The following CLEC12B variants were observed in gnomAD, a reference collection of about 807,000 sequenced individuals.
CLEC12B encodes the protein C-type lectin domain family 12 member B, also known as macrophage antigen h.
In CLEC12B, 25 loss-of-function variants were observed where a neutral mutation model predicts 36.1. That is an observed-to-expected ratio of 0.69 (90% CI 0.50 to 0.97). The LOEUF (loss-of-function observed/expected upper bound fraction) is 0.97. Among genes scored for constraint, CLEC12B ranks in the 50% least tolerant of loss-of-function variants. The probability of loss-of-function intolerance (pLI) is 0.00; values close to 1 mark genes in which losing one functional copy is unlikely to be tolerated. For missense variants in CLEC12B, 325 were observed against 318.4 expected (o/e 1.02, Z -0.16); for synonymous variants, 110 against 108.5 (o/e 1.01, Z -0.09).
At chr12:10,010,012 G>A (rs1053605508), upstream of CLEC12B, among the ~76,000 whole-genome samples, 1 of 151,950 alleles carries the variant, frequency 6.6e-6, no homozygotes, top group African/African-American at 2.4e-5. Flanking sequence ...TGTATTCCTT[G>A]CTGTCTGCAG....
upstream of CLEC12B, among the ~76,000 whole-genome samples, chr12:10,006,457 G>GTTTTTTTTTTTT (rs139343460): frequency 6.7e-6 from 1 of 149,054 alleles, no homozygotes. Context: ...TCCAGGATAA[G>GTTTTTTTTTTTT]TTTTTTGTTT....
intron 5 of CLEC12B, chr12:10,018,074 C>T (rs927172920): frequency 1.0e-5 from 7 of 690,086 alleles, no homozygotes; most frequent in South Asian, 6.3e-5. Context: ...AATACAAATT[C>T]TCAGTCCAGG....
At chr12:10,012,939 A>C in intron 2 of CLEC12B, 56 bp downstream of exon 2, 1 of 1,280,342 alleles carries the variant, frequency 7.8e-7, no homozygotes, top group Non-Finnish European at 1.1e-6. Flanking sequence ...ATTGTAAACC[A>C]TGTACTTTCA....
At chr12:10,015,778 G>GA in intron 5 of CLEC12B, 51 bp downstream of exon 5, 5 of 1,604,570 alleles carry the variant, frequency 3.1e-6, no homozygotes, top group Non-Finnish European at 4.3e-6. Context: ...GGAATCCTGG[G>GA]AAAATTAATA....
At chr12:10,011,595 C>T (rs767952841) in intron 1 of CLEC12B, among the ~76,000 whole-genome samples, 3 of 152,090 alleles carry the variant, frequency 2.0e-5, no homozygotes, top group Non-Finnish European at 4.4e-5. Flanking sequence ...TCTCTTATGC[C>T]TAATTGGAAA....
chr12:10,017,736 T>C lies in CLEC12B; in HGVS notation c.681-595T>C, dbSNP rs1487815966. On this transcript the variant is annotated intron_variant, in intron 5 of 5. Coordinates refer to ENST00000338896, the MANE Select transcript of CLEC12B (RefSeq NM_001129998.3). Reference sequence around the variant, plus strand: ...AACAATGTTGGGCACAAAGAAAATTTAGATCTGACAAGTATAATTTTCTAA... The same window carrying C: ...AACAATGTTGGGCACAAAGAAAATTCAGATCTGACAAGTATAATTTTCTAA... 13 of 879,498 alleles carry C rather than the reference T, an allele frequency of 1.5e-5. No individual in the cohort carries two copies. The African/African-American group carries it at 2.4e-4, about 16-fold the overall frequency. 54.5% of individuals were successfully genotyped at this position (879,498 alleles called of 1,614,324 possible). A position where few individuals can be genotyped will look rare whatever the true frequency, so the allele number is the denominator to read the frequency against.
chr12:10,013,034 C>A, intron 2 of CLEC12B, 151 bp downstream of exon 2: 1 of 647,996 alleles, frequency 1.5e-6, no homozygotes, highest in Non-Finnish European at 2.7e-6. Flanking sequence ...TCATATCTTC[C>A]CAAAAAACCG....
At chr12:10,012,650 C>T in intron 1 of CLEC12B, 135 bp from the exon 2 acceptor site, 4 of 635,710 alleles carry the variant, frequency 6.3e-6, no homozygotes, top group Non-Finnish European at 1.1e-5. Context: ...TAGGTATTTT[C>T]TAAATGAGGG....
At chr12:10,017,223 CTAA>C in intron 5 of CLEC12B, 1 of 985,218 alleles carries the variant, frequency 1.0e-6, no homozygotes, top group Non-Finnish European at 1.2e-6. Context: ...TGGTTTCACA[CTAA>C]TAATAATGAC....
chr12:10,009,572 A>C (rs902304277), upstream of CLEC12B, among the ~76,000 whole-genome samples: 86 of 151,796 alleles, frequency 5.7e-4, no homozygotes, highest in Non-Finnish European at 2.9e-5. Flanking sequence ...AAAAAAAAAA[A>C]AACAAAAAAC....
chr12:10,014,502 G>A, intron 2 of CLEC12B, 21 bp from the exon 3 acceptor site: 1 of 1,527,042 alleles, frequency 6.5e-7, no homozygotes, highest in Non-Finnish European at 9.1e-7. Flanking sequence ...ATATGAACTT[G>A]TCTCCTGTCA....
intron 3 of CLEC12B, 30 bp downstream of exon 3, chr12:10,014,771 A>G: frequency 6.8e-7 from 1 of 1,474,150 alleles, no homozygotes; most frequent in Non-Finnish European, 9.5e-7. Context: ...CTGACCAGTC[A>G]GATGGCATAT....
intron 5 of CLEC12B, chr12:10,017,912 T>C: frequency 1.0e-6 from 1 of 962,800 alleles, no homozygotes; most frequent in Middle Eastern, 5.3e-4. Flanking sequence ...TGAAAAATTA[T>C]ATTTGTGCAT....
chr12:10,018,222 T>C, intron 5 of CLEC12B, 109 bp from the exon 6 acceptor site: 1 of 726,346 alleles, frequency 1.4e-6, no homozygotes, highest in East Asian at 3.3e-5. Context: ...GAGGCAGAAG[T>C]CTCTCCATAT....
At position 10,018,613 on chromosome 12, in the gene CLEC12B, C is replaced by T. The variant is rs1865545428; in HGVS notation, c.*132C>T. 1 of 723,966 alleles carries T rather than the reference C, an allele frequency of 1.4e-6. No individual in the cohort carries two copies. Among genetic ancestry groups the T allele is most frequent in the Non-Finnish European group, 2.3e-6 (1 of 438,800 alleles). The allele number at this position is 723,966 out of a possible 1,614,324, so 44.8% of individuals were successfully genotyped here. ...GTATTTACATTATCAGACAAATGAA[C>T]TTGTTTAACAGAACATTCTCCAGTT... is the stretch of plus-strand genomic sequence containing the variant. On this transcript the variant is annotated 3_prime_UTR_variant, in exon 6 of 6. Transcript: ENST00000338896.
Position 10,018,458 on chromosome 12 carries a change from G to A in CLEC12B, c.808G>A (p.Val270Met). 6.4e-7 allele frequency: 1 copy of A among 1,550,840 alleles called. No individual in the cohort carries two copies. The highest frequency in any genetic ancestry group is 1.2e-5 in the South Asian group (1 of 83,844). ...FWICEKTAAP[V>M]KTEDLD ...GATTTGCGAGAAGACAGCTGCCCCAGTGAAGACTGAGGATTTGGATTAGTA... is the reference window on the plus strand; with the variant it reads ...GATTTGCGAGAAGACAGCTGCCCCAATGAAGACTGAGGATTTGGATTAGTA... Residue 270 changes from valine (V) to methionine (M), a missense_variant, in exon 6 of 6, where the codon GTG becomes ATG. Coordinates refer to ENST00000338896, the MANE Select transcript of CLEC12B (RefSeq NM_001129998.3).
Position 10,015,361 on chromosome 12 carries a change from A to G in CLEC12B, c.519A>G (p.Ile173Met), listed in dbSNP as rs1249077710. The G allele has an allele frequency of 6.2e-7, 1 of 1,613,330 alleles. No homozygotes were observed. Among genetic ancestry groups the G allele is most frequent in the Non-Finnish European group, 8.5e-7 (1 of 1,179,612 alleles). The change falls in exon 4 of 6, where the codon ATA becomes ATG. Residue 173 changes from isoleucine to methionine, a missense_variant. Ile to Met is a conservative substitution (Grantham distance 10). Coordinates refer to ENST00000338896, the MANE Select transcript of CLEC12B (RefSeq NM_001129998.3). ...KTWANSRKDC[I>M]DKNSTLVKID... Reference sequence around the variant, plus strand: ...GGGCTAACAGTAGAAAGGACTGCATAGACAAGAACTCCACCCTAGTGAAGA... The same window carrying G: ...GGGCTAACAGTAGAAAGGACTGCATGGACAAGAACTCCACCCTAGTGAAGA...
chr12:10,006,854 G>C (rs1475172961), upstream of CLEC12B, among the ~76,000 whole-genome samples: 1 of 152,032 alleles, frequency 6.6e-6, no homozygotes, highest in South Asian at 2.1e-4. Flanking sequence ...AGGAGATCGA[G>C]ACCATCCTGG....
At chr12:10,012,642 G>A (rs1025759672) in intron 1 of CLEC12B, 143 bp from the exon 2 acceptor site, 1 of 617,192 alleles carries the variant, frequency 1.6e-6, no homozygotes, top group Non-Finnish European at 2.9e-6. Flanking sequence ...CTTCATATTA[G>A]GTATTTTCTA....
Sources: allele counts gnomAD v4.1 joint callset (sites outside exome capture counted in the v4.1 genomes callset), GRCh38; gene constraint gnomAD v4.1.1; transcripts MANE v1.5; gene names NCBI Gene and HGNC (gene_info 2026-07-23, HGNC 2026-07-21).